The following ATR variants were observed in gnomAD, a reference collection of about 807,000 sequenced individuals.
ATR encodes ATR checkpoint kinase.
Under a neutral mutation model 305.3 loss-of-function variants are expected in ATR, and 142 were observed. That is an observed-to-expected ratio of 0.47 (90% CI 0.41 to 0.53). ATR has a LOEUF of 0.53. Among genes scored for constraint, ATR ranks in the 20% least tolerant of loss-of-function variants. The probability of loss-of-function intolerance (pLI) is 0.00; values close to 1 mark genes in which losing one functional copy is unlikely to be tolerated. For synonymous variants in ATR, 1,050 were observed against 1,068.1 expected, an observed-to-expected ratio of 0.98 and a Z score of 0.33; for missense variants, 2,135 against 3,133.1, an observed-to-expected ratio of 0.68 and a Z score of 7.60.
At chr3:142,564,252 A>G (rs2034984519) in intron 3 of ATR, among the ~76,000 whole-genome samples, 1 of 152,160 alleles carries the variant, frequency 6.6e-6, no homozygotes, top group African/African-American at 2.4e-5. Context: ...TGCAATATTC[A>G]CTTTATTGTA....
intron 10 of ATR, 96 bp from the exon 11 acceptor site, chr3:142,554,111 C>A: frequency 9.4e-7 from 1 of 1,061,528 alleles, no homozygotes; most frequent in Non-Finnish European, 1.3e-6. Flanking sequence ...CATGAAGAAT[C>A]CTAAGTTCTC....
At chr3:142,538,088 G>A (rs2033920759) in intron 19 of ATR, among the ~76,000 whole-genome samples, 1 of 152,142 alleles carries the variant, frequency 6.6e-6, no homozygotes, top group Non-Finnish European at 1.5e-5. Flanking sequence ...AGGAAGAGAG[G>A]CTGGTTCAAA....
intron 3 of ATR, among the ~76,000 whole-genome samples, chr3:142,565,744 A>AAC (rs1391516525): frequency 2.8e-4 from 41 of 148,922 alleles, no homozygotes; most frequent in African/African-American, 9.8e-4. Context: ...AAAAAAAAAA[A>AAC]AAAAAAAAAA....
At chr3:142,450,768 T>C in intron 46 of ATR, 1 of 1,489,340 alleles carries the variant, frequency 6.7e-7, no homozygotes, top group Non-Finnish European at 9.0e-7. Context: ...CTAATATCAT[T>C]CGTTATCACA....
chr3:142,578,024 G>C (rs550718645), intron 1 of ATR, among the ~76,000 whole-genome samples: 9 of 152,096 alleles, frequency 5.9e-5, no homozygotes, highest in Admixed American at 1.3e-4. Context: ...TGGACCCAGG[G>C]GTCTATCTCT....
intron 21 of ATR, among the ~76,000 whole-genome samples, chr3:142,530,060 T>C (rs2033577980): frequency 6.6e-6 from 1 of 152,160 alleles, no homozygotes; most frequent in Admixed American, 6.5e-5. Context: ...AGGTGAAATC[T>C]TTGCCAATCT....
rs1380438150 is a variant in ATR at position 142,556,224 on chromosome 3, T to C, written c.2079-85A>G. On this transcript the variant is annotated intron_variant, in intron 9 of 46. Coordinates refer to ENST00000350721, the MANE Select transcript of ATR (RefSeq NM_001184.4). ...CTTGCTTAATTTGGGACAAAAGTACTGGTAAAACAAAGCCTAGAAGGAAAA... is the reference window on the plus strand; with the variant it reads ...CTTGCTTAATTTGGGACAAAAGTACCGGTAAAACAAAGCCTAGAAGGAAAA... 1.0e-5 allele frequency: 16 copies of C among 1,537,502 alleles called. No individual in the cohort carries two copies. The South Asian group carries it at 1.9e-4, about 18-fold the overall frequency.
At chr3:142,566,850 T>C (rs2035093090) in intron 2 of ATR, among the ~76,000 whole-genome samples, 1 of 151,988 alleles carries the variant, frequency 6.6e-6, no homozygotes, top group Admixed American at 6.5e-5. Context: ...TACAAGTGAT[T>C]CTTCTGCCTC....
chr3:142,524,488 G>A (rs564635460), intron 21 of ATR, among the ~76,000 whole-genome samples: 2 of 152,218 alleles, frequency 1.3e-5, no homozygotes, highest in South Asian at 4.1e-4. Context: ...AGTAAAACAA[G>A]TCTTAACAAG....
intron 1 of ATR, among the ~76,000 whole-genome samples, chr3:142,568,748 G>A (rs1212891736): frequency 4.6e-5 from 7 of 152,200 alleles, no homozygotes; most frequent in Non-Finnish European, 1.0e-4. Flanking sequence ...GCCTCTCCCC[G>A]CTCCCGGCAC....
intron 4 of ATR, 75 bp from the exon 5 acceptor site, chr3:142,561,496 G>A (rs1351755927): frequency 1.4e-6 from 2 of 1,437,806 alleles, no homozygotes; most frequent in African/African-American, 1.4e-5. Context: ...CAGCAAGAAT[G>A]TATTAGATGT....
chr3:142,526,270 C>T (rs1012361777), intron 21 of ATR, among the ~76,000 whole-genome samples: 14 of 152,014 alleles, frequency 9.2e-5, no homozygotes, highest in African/African-American at 3.1e-4. Flanking sequence ...TCTATAATTT[C>T]CGAAGTATAT....
In ATR at chr3:142,490,268, C is replaced by T. The variant is rs113541393; in HGVS notation, c.6078+2864G>A. ...ACAGGTTCTCACTATATTGCCCAGG[C>T]TGGTTTTGAACTCCTAGCTTCAAGT... On this transcript the variant is annotated intron_variant, in intron 35 of 46. Transcript: ENST00000350721. Among the ~76,000 whole-genome samples, 8 of 152,240 alleles carry T rather than the reference C, an allele frequency of 5.3e-5. No individual in the cohort carries two copies. The South Asian group carries it at 1.7e-3, about 32-fold the overall frequency.
chr3:142,566,354 C>T, intron 2 of ATR, 93 bp from the exon 3 acceptor site: 1 of 1,398,632 alleles, frequency 7.1e-7, no homozygotes. Context: ...CAAGGTGCCT[C>T]ACTCCTGTAA....
intron 19 of ATR, among the ~76,000 whole-genome samples, chr3:142,537,179 C>T (rs1317166062): frequency 6.6e-6 from 1 of 152,048 alleles, no homozygotes; most frequent in African/African-American, 2.4e-5. Flanking sequence ...CAGCCTCAAA[C>T]TCCTGGGTTC....
At chr3:142,510,647 G>A (rs900391593) in intron 27 of ATR, among the ~76,000 whole-genome samples, 1 of 152,102 alleles carries the variant, frequency 6.6e-6, no homozygotes, top group East Asian at 1.9e-4. Flanking sequence ...ACAAGAGGGA[G>A]ATGCTCACAA....
chr3:142,524,227 T>C (rs1388021017), intron 21 of ATR, 28 bp from the exon 22 acceptor site: 2 of 1,564,820 alleles, frequency 1.3e-6, no homozygotes, highest in African/African-American at 2.7e-5. Context: ...AGAAAATTTA[T>C]ACGTAATTTC....
In ATR at chr3:142,459,283, C is replaced by G. The variant is rs773858387; in HGVS notation, c.7293G>C (p.Arg2431Ser). The G allele has an allele frequency of 6.2e-7, 1 of 1,613,850 alleles. No homozygotes were observed. Among genetic ancestry groups the G allele is most frequent in the South Asian group, 1.1e-5 (1 of 91,074 alleles). Residue 2431 changes from arginine (R) to serine (S), a missense_variant, in exon 43 of 47, where the codon AGG becomes AGC. Physicochemically the swap from Arg to Ser is moderately radical, Grantham distance 110 (BLOSUM62 -1). This residue lies in a region of ATR where 462 missense variants were observed against 887.6 expected (regional missense o/e 0.52). Coordinates refer to ENST00000350721, the MANE Select transcript of ATR (RefSeq NM_001184.4). ...LKVFREFLLPRHPPIFHEWFL... is the reference protein window; with the variant it reads ...LKVFREFLLPSHPPIFHEWFL... Reference sequence around the variant, plus strand: ...ACCACTCATGAAAAATAGGAGGATGCCTGGGCAGGAGAAATTCTCGGAATA... The same window carrying G: ...ACCACTCATGAAAAATAGGAGGATGGCTGGGCAGGAGAAATTCTCGGAATA...
rs1266825010 is a variant in ATR at position 142,497,606 on chromosome 3, T to TAA, written c.5559-416_5559-415dup. Among the ~76,000 whole-genome samples, 124 of 146,096 alleles carry TAA rather than the reference T, an allele frequency of 8.5e-4. 1 individual carries two copies. Among genetic ancestry groups the TAA allele is most frequent in the Non-Finnish European group, 1.1e-4 (7 of 66,300 alleles). ...AAATAAATAAATAAATAAATAAAATTAATTACATTAAACTTTTAAAATAAA... is the reference window on the plus strand; with the variant it reads ...AAATAAATAAATAAATAAATAAAATTAAAATTACATTAAACTTTTAAAATAAA... On this transcript the variant is annotated intron_variant, in intron 32 of 46. Coordinates refer to ENST00000350721, the MANE Select transcript of ATR (RefSeq NM_001184.4).
Sources: gnomAD v4.1 joint callset for allele counts (sites outside exome capture counted in the v4.1 genomes callset) on GRCh38, gnomAD v4.1.1 for gene constraint, gnomAD v4.1.1 regional missense constraint, MANE v1.5 for transcripts, NCBI Gene and HGNC (gene_info 2026-07-23, HGNC 2026-07-21) for gene names.